The following SVEP1 variants were observed in gnomAD, a reference collection of about 807,000 sequenced individuals.
The protein encoded by SVEP1 is sushi, von Willebrand factor type A, EGF and pentraxin domain containing 1, also known as sushi, von Willebrand factor type A, EGF and pentraxin domain-containing protein 1.
SVEP1 carries 164 observed loss-of-function variants against 367.3 expected under a neutral mutation model. That is an observed-to-expected ratio of 0.45 (90% CI 0.39 to 0.51). SVEP1 has a LOEUF of 0.51. Ranked by LOEUF, SVEP1 falls within the 20% of genes least tolerant of loss-of-function variation. SVEP1 has a pLI of 0.00. For synonymous variants in SVEP1, 1,666 were observed against 1,611.6 expected, an observed-to-expected ratio of 1.03 and a Z score of -0.81; for missense variants, 4,117 against 4,425.3, an observed-to-expected ratio of 0.93 and a Z score of 1.98.
At chr9:110,524,127 C>G (rs1207719367) in intron 3 of SVEP1, among the ~76,000 whole-genome samples, 1 of 151,774 alleles carries the variant, frequency 6.6e-6, no homozygotes, top group South Asian at 2.1e-4. Flanking sequence ...TTTGAATAGC[C>G]CTATGGTTAA....
rs111722103 is a variant in SVEP1, at chr9:110,408,043, G to A, written c.7557C>T (p.Thr2519=). 5.4e-3 allele frequency: 8,674 copies of A among 1,613,908 alleles called. 404 individuals are homozygous for A. The African/African-American group carries it at 0.098, about 18-fold the overall frequency. The stretch of plus-strand genomic sequence containing the variant: ...AGCCTCGGTTGCAAGAGTAGGTAAC[G>A]GTCTGTCCATAGTGTAGGTCCGTGT... ...FSYTDLHYGQ[T]VTYSCNRGFR... is the part of the protein sequence containing the mutation. The change falls in exon 38 of 48, where the codon ACC becomes ACT. Residue 2519 remains threonine, a synonymous_variant. Transcript: ENST00000374469.
At chr9:110,512,399 A>G (rs1319854771) in intron 5 of SVEP1, among the ~76,000 whole-genome samples, 3 of 151,840 alleles carry the variant, frequency 2.0e-5, no homozygotes, top group Non-Finnish European at 4.4e-5. Context: ...TGTATTTGAC[A>G]TGGGAGCCTC....
chr9:110,556,158 A>G (rs142647449), intron 1 of SVEP1, among the ~76,000 whole-genome samples: 1 of 152,198 alleles, frequency 6.6e-6, no homozygotes, highest in South Asian at 2.1e-4. Flanking sequence ...CTGGCAGGAA[A>G]GTAAGCTTCC....
At chr9:110,559,513 G>GT (rs1213958348) in intron 1 of SVEP1, among the ~76,000 whole-genome samples, 1 of 151,970 alleles carries the variant, frequency 6.6e-6, no homozygotes, top group Non-Finnish European at 1.5e-5. Context: ...TTTAAAAATA[G>GT]TAACACTGTT....
intron 1 of SVEP1, among the ~76,000 whole-genome samples, chr9:110,566,871 A>G (rs1830499998): frequency 1.3e-5 from 2 of 152,154 alleles, no homozygotes; most frequent in African/African-American, 4.8e-5. Context: ...AGGTGCTGTA[A>G]AGTTTACCTC....
chr9:110,437,045 G>C (rs1828440560), intron 27 of SVEP1, among the ~76,000 whole-genome samples: 1 of 152,142 alleles, frequency 6.6e-6, no homozygotes, highest in Non-Finnish European at 1.5e-5. Context: ...GTGCTGGACA[G>C]TCTGTGTCTG....
chr9:110,540,216 G>A (rs1431926023), intron 3 of SVEP1, among the ~76,000 whole-genome samples: 1 of 152,136 alleles, frequency 6.6e-6, no homozygotes, highest in Non-Finnish European at 1.5e-5. Flanking sequence ...GGTAAAGGAT[G>A]AAGACAGTCA....
At chr9:110,452,163 T>C (rs952237720) in intron 22 of SVEP1, among the ~76,000 whole-genome samples, 1 of 152,240 alleles carries the variant, frequency 6.6e-6, no homozygotes, top group African/African-American at 2.4e-5. Flanking sequence ...AAGGTTGTTT[T>C]TTGAGAACAG....
At chr9:110,483,805 C>A in intron 9 of SVEP1, 112 bp from the exon 10 acceptor site, 1 of 632,088 alleles carries the variant, frequency 1.6e-6, no homozygotes, top group South Asian at 3.4e-5. Context: ...CTTGAGCTTG[C>A]AAGAAACAAG....
At chr9:110,561,095 C>T (rs1231223466) in intron 1 of SVEP1, among the ~76,000 whole-genome samples, 1 of 152,102 alleles carries the variant, frequency 6.6e-6, no homozygotes, top group Non-Finnish European at 1.5e-5. Flanking sequence ...TCCTGTCTAC[C>T]CTCTCCCCAA....
In SVEP1 at chr9:110,396,053, C is replaced by T. The variant is rs1171759477; in HGVS notation, c.9822+4801G>A. ...ACCCCAAATCAACAGAATATACATT[C>T]TTTTCAGCACCACACCTATTCCAAA... On this transcript the variant is annotated intron_variant, in intron 40 of 47. Coordinates refer to ENST00000374469, the MANE Select transcript of SVEP1 (RefSeq NM_153366.4). Among the ~76,000 whole-genome samples the T allele has an allele frequency of 6.6e-5, 10 of 152,324 alleles. 1 individual carries two copies. In the South Asian group the frequency reaches 8.3e-4, roughly 13 times the overall value.
At position 110,578,879 on chromosome 9, in the gene SVEP1, T is replaced by C. The variant is rs561295682; in HGVS notation, c.531+134A>G. On this transcript the variant is annotated intron_variant, in intron 1 of 47. Coordinates refer to ENST00000374469, the MANE Select transcript of SVEP1 (RefSeq NM_153366.4). ...TAGGCGGGTAGCGATGACTCTGGTTTTGTGGATGGGGACGCTTGACTTGGG... is the reference window on the plus strand; with the variant it reads ...TAGGCGGGTAGCGATGACTCTGGTTCTGTGGATGGGGACGCTTGACTTGGG... 1.0e-5 allele frequency: 10 copies of C among 987,488 alleles called. No individual in the cohort carries two copies. The African/African-American group carries it at 1.3e-4, about 13-fold the overall frequency. 61.2% of individuals were successfully genotyped at this position (987,488 alleles called of 1,614,324 possible).
chr9:110,411,318 C>G lies in SVEP1; in HGVS notation c.6393G>C (p.Gln2131His). The change falls in exon 37 of 48, where the codon CAG becomes CAC. Residue 2131 changes from glutamine to histidine, a missense_variant. By Grantham distance (24) the Gln-to-His change is conservative. Transcript: ENST00000374469. ...GGATGGACATGGGGGAAGGGTTCCA[C>G]TGCCCACCTCTCATACATTCAATCT... is the stretch of plus-strand genomic sequence containing the variant. ...SAKIECMRGG[Q>H]WNPSPMSIQC... 6.2e-7 allele frequency: 1 copy of G among 1,614,052 alleles called. No individual in the cohort carries two copies. The highest frequency in any genetic ancestry group is 1.1e-5 in the South Asian group (1 of 91,088).
rs1007302893 is a variant in SVEP1, at chr9:110,430,297, T to C, written c.5507A>G (p.Asn1836Ser). The C allele has an allele frequency of 2.5e-6, 4 of 1,612,870 alleles. No individual in the cohort carries two copies. Among genetic ancestry groups the C allele is most frequent in the Admixed American group, 1.7e-5 (1 of 59,816 alleles). Residue 1836 changes from asparagine to serine, a missense_variant, in exon 33 of 48, where the codon AAT (asparagine) becomes AGT (serine). Around this residue, in one of 4 missense-constraint regions of SVEP1, gnomAD observed 2,174 missense variants for 2,494.3 expected, o/e 0.87. Transcript: ENST00000374469. ...KITCLESGEW[N>S]HLIPYCKAVS... ...ACCTTTACAATATGGTATTAGATGA[T>C]TCCATTCTCCAGACTCCAAACATGT...
rs1334657189 is a variant in SVEP1, at chr9:110,479,729, T to C, written c.2393A>G (p.Lys798Arg). 1 of 1,607,888 alleles carries C rather than the reference T, an allele frequency of 6.2e-7. No individual in the cohort carries two copies. The highest frequency in any genetic ancestry group is 1.1e-5 in the South Asian group (1 of 89,392). Residue 798 changes from lysine (K) to arginine (R), a missense_variant, in exon 13 of 48, where the codon AAG (lysine) becomes AGG (arginine). Lys to Arg is a conservative substitution (Grantham distance 26). Around this residue, in one of 4 missense-constraint regions of SVEP1, gnomAD observed 2,174 missense variants for 2,494.3 expected, o/e 0.87. Coordinates refer to ENST00000374469, the MANE Select transcript of SVEP1 (RefSeq NM_153366.4). ...TGCTTTGTAGAACATCTCAAAGGACTTGAACCCGTGGTTTGCAAAACGTTT... is the reference window on the plus strand; with the variant it reads ...TGCTTTGTAGAACATCTCAAAGGACCTGAACCCGTGGTTTGCAAAACGTTT... The part of the protein sequence containing the change: ...AKKRFANHGF[K>R]SFEMFYKAAR...
intron 1 of SVEP1, among the ~76,000 whole-genome samples, chr9:110,565,212 G>A (rs1830476959): frequency 6.6e-6 from 1 of 152,208 alleles, no homozygotes; most frequent in Non-Finnish European, 1.5e-5. Context: ...GGGGAACGCT[G>A]AGTAACTCAG....
Position 110,411,564 on chromosome 9 carries a change from A to G in SVEP1, c.6147T>C (p.Asp2049=). The part of the protein sequence containing the change: ...FGDIAFYYCS[D]GYSLADNSQL... ...GGGAATTGTCTGCTAGGCTGTAACC[A>G]TCAGAGCAGTAGTAGAATGCAATGT... Residue 2049 remains aspartate (D), a synonymous_variant, in exon 37 of 48, where the codon GAT becomes GAC. Transcript: ENST00000374469. The G allele has an allele frequency of 2.5e-6, 4 of 1,613,966 alleles. No individual in the cohort carries two copies. The highest frequency in any genetic ancestry group is 3.4e-6 in the Non-Finnish European group (4 of 1,179,882).
chr9:110,443,705 C>T lies in SVEP1; in HGVS notation c.4479G>A (p.Val1493=). The stretch of plus-strand genomic sequence containing the variant: ...AGTTTGTTATCTTTTCCCTGCCATT[C>T]ACATAAAGAACCCAGCTGTAGAGAG... The part of the protein sequence containing the change: ...LTDYNGWVLY[V]NGREKITNCP... Residue 1493 remains valine (V), a synonymous_variant, in exon 27 of 48, where the codon GTG becomes GTA. Transcript: ENST00000374469. The T allele has an allele frequency of 6.2e-7, 1 of 1,606,272 alleles. No homozygotes were observed.
intron 5 of SVEP1, among the ~76,000 whole-genome samples, chr9:110,503,426 C>T (rs1052105563): frequency 5.3e-5 from 8 of 152,286 alleles, no homozygotes; most frequent in Non-Finnish European, 1.2e-4. Context: ...ATAATATCAT[C>T]GCATGCAGCC....
Sources: gnomAD v4.1 joint callset for allele counts (sites outside exome capture counted in the v4.1 genomes callset) on GRCh38, gnomAD v4.1.1 for gene constraint, gnomAD v4.1.1 regional missense constraint, MANE v1.5 for transcripts, NCBI Gene and HGNC (gene_info 2026-07-23, HGNC 2026-07-21) for gene names.